Variants in ZNF362 observed in about 807,000 individuals in gnomAD.
The protein encoded by ZNF362 is zinc finger protein 362.
A neutral mutation model predicts 42.9 loss-of-function variants in ZNF362; 11 were observed. The observed-to-expected ratio is 0.26, with a 90% CI of 0.16 to 0.42. The LOEUF is 0.42. Ranked by LOEUF, ZNF362 falls within the 20% of genes least tolerant of loss-of-function variation. The pLI, the probability that ZNF362 is intolerant of heterozygous loss-of-function variation, is 1.00. For synonymous variants in ZNF362, 255 were observed against 257.3 expected (o/e 0.99, Z 0.09); for missense variants, 362 against 576.2 (o/e 0.63, Z 3.81).
chr1:33,162,445 A>G, the ZNF362 span, among the ~76,000 whole-genome samples: 2 of 152,314 alleles, frequency 1.3e-5, no homozygotes, highest in South Asian at 2.1e-4. Flanking sequence ...GTCTTAATAC[A>G]TTGTCCCACA....
the ZNF362 span, chr1:33,147,616 G>A: frequency 1.9e-6 from 3 of 1,614,124 alleles, no homozygotes; most frequent in Non-Finnish European, 1.7e-6. This position sits in a 1 kb window ranked among gnomAD's most constrained non-coding sequence, Gnocchi z 8.1. Flanking sequence ...GCGCTTTGGC[G>A]AGTCCTGCAG....
At chr1:33,226,331 A>G in the ZNF362 span, among the ~76,000 whole-genome samples, 796 of 152,320 alleles carry the variant, frequency 5.2e-3, 14 homozygotes, top group African/African-American at 0.018. Flanking sequence ...GGGGTCCACC[A>G]GCCTTGGAGC....
the ZNF362 span, among the ~76,000 whole-genome samples, chr1:33,180,218 C>T: frequency 6.6e-6 from 1 of 152,124 alleles, no homozygotes; most frequent in Non-Finnish European, 1.5e-5. Context: ...AAGAGGTCAT[C>T]AAAAACCTCT....
At position 33,297,756 on chromosome 1, in the gene ZNF362, C is replaced by T. The variant is rs183455629; in HGVS notation, c.1147-1174C>T. ...CTCGAATTCCTGACCGCAGGTGATC[C>T]GCCCGCCTCAGTCTCCCAAAGTGCT... On this transcript the variant is annotated intron_variant, in intron 8 of 8. Coordinates refer to ENST00000539719, the MANE Select transcript of ZNF362 (RefSeq NM_152493.3). Among the ~76,000 whole-genome samples, 580 of 152,228 alleles carry T rather than the reference C, an allele frequency of 3.8e-3. 6 individuals carry two copies. The highest frequency in any genetic ancestry group is 0.013 in the African/African-American group (544 of 41,534).
chr1:33,158,426 AG>A, the ZNF362 span: 5 of 1,485,428 alleles, frequency 3.4e-6, no homozygotes, highest in Non-Finnish European at 3.8e-6. Context: ...CCCCAATGCC[AG>A]GGGCCCCGCA....
At chr1:33,171,914 T>C in the ZNF362 span, among the ~76,000 whole-genome samples, 1 of 152,166 alleles carries the variant, frequency 6.6e-6, no homozygotes, top group Non-Finnish European at 1.5e-5. Context: ...CCTGAGTAGC[T>C]GGGATTATAG....
chr1:33,236,831 A>C, the ZNF362 span, among the ~76,000 whole-genome samples: 11 of 152,030 alleles, frequency 7.2e-5, no homozygotes, highest in African/African-American at 2.7e-4. Context: ...CTGTAATCCC[A>C]GCACTGAGGT....
chr1:33,201,737 G>C, the ZNF362 span, among the ~76,000 whole-genome samples: 1 of 152,138 alleles, frequency 6.6e-6, no homozygotes, highest in Admixed American at 6.5e-5. Flanking sequence ...TAAATGTAAA[G>C]TAAGCAGAAG....
chr1:33,211,106 T>A, the ZNF362 span, among the ~76,000 whole-genome samples: 1 of 152,054 alleles, frequency 6.6e-6, no homozygotes, highest in Non-Finnish European at 1.5e-5. Context: ...GCTAATTTTT[T>A]GTATTTTTAG....
chr1:33,159,466 C>G, the ZNF362 span, among the ~76,000 whole-genome samples: 1 of 152,328 alleles, frequency 6.6e-6, no homozygotes, highest in South Asian at 2.1e-4. This position sits in a 1 kb window ranked among gnomAD's most constrained non-coding sequence, Gnocchi z 4.2. Context: ...GGTTTTCAAA[C>G]TGTGTTCCTC....
At chr1:33,225,822 T>C in the ZNF362 span, among the ~76,000 whole-genome samples, 3 of 152,206 alleles carry the variant, frequency 2.0e-5, no homozygotes, top group African/African-American at 7.2e-5. Context: ...AGCAAGCTGA[T>C]TACTATGCAG....
the ZNF362 span, among the ~76,000 whole-genome samples, chr1:33,208,128 A>T: frequency 6.6e-6 from 1 of 152,172 alleles, no homozygotes; most frequent in Admixed American, 6.5e-5. Flanking sequence ...TAAGGAAGGG[A>T]TCCAGTTTCA....
At chr1:33,181,253 G>T in the ZNF362 span, 14 of 1,549,470 alleles carry the variant, frequency 9.0e-6, no homozygotes, top group Non-Finnish European at 1.1e-5. The surrounding 1 kb of genome is among the most constrained non-coding windows in gnomAD (Gnocchi z 6.5). Context: ...GCGCCAGCGC[G>T]GGCTCGGCGA....
intron 2 of ZNF362, among the ~76,000 whole-genome samples, chr1:33,272,234 C>T (rs914216528): frequency 1.3e-4 from 20 of 152,158 alleles, no homozygotes; most frequent in African/African-American, 4.8e-4. Flanking sequence ...AGGGAGGCCA[C>T]GGTGGTGTGT....
Position 33,276,330 on chromosome 1 carries a change from G to T in ZNF362, c.103-18G>T. 2 of 1,546,090 alleles carry T rather than the reference G, an allele frequency of 1.3e-6. No homozygotes were observed. The highest frequency in any genetic ancestry group is 1.4e-5 in the African/African-American group (1 of 73,170). ...GAGGTGGTCCAGACCTCCTCAGCCC[G>T]TCCTCTTCTTCCCGCAGCTGGACAA... is the stretch of plus-strand genomic sequence containing the variant. On this transcript the variant is annotated intron_variant, in intron 3 of 8. Coordinates refer to ENST00000539719, the MANE Select transcript of ZNF362 (RefSeq NM_152493.3).
At chr1:33,147,729 T>A in the ZNF362 span, 5 of 1,607,136 alleles carry the variant, frequency 3.1e-6, no homozygotes, top group Non-Finnish European at 4.3e-6. The surrounding 1 kb of genome is among the most constrained non-coding windows in gnomAD (Gnocchi z 8.1). Flanking sequence ...CGGCTGGCAC[T>A]GTGGGGGTTG....
the ZNF362 span, among the ~76,000 whole-genome samples, chr1:33,221,926 G>C: frequency 1.3e-5 from 2 of 152,120 alleles, no homozygotes; most frequent in Non-Finnish European, 2.9e-5. Flanking sequence ...ATGGGTGGAG[G>C]ATTAAATCAT....
chr1:33,294,312 A>G lies in ZNF362; in HGVS notation c.909-625A>G, dbSNP rs901595618. On this transcript the variant is annotated intron_variant, in intron 6 of 8. Transcript: ENST00000539719. The surrounding 1 kb of genome is among the most constrained non-coding windows in gnomAD (Gnocchi z 4.2). ...GATGCTCAGTGGTTTGTCCAAGGTC[A>G]CCCAGCTGGTTAATAGCCAGGATGA... Among the ~76,000 whole-genome samples the G allele has an allele frequency of 2.6e-5, 4 of 152,162 alleles. No homozygotes were observed. The highest frequency in any genetic ancestry group is 9.7e-5 in the African/African-American group (4 of 41,434).
In ZNF362 at chr1:33,299,245, G is replaced by GT; in HGVS notation, c.*203dup. On this transcript the variant is annotated 3_prime_UTR_variant, in exon 9 of 9. Coordinates refer to ENST00000539719, the MANE Select transcript of ZNF362 (RefSeq NM_152493.3). ...CAGGCCAACTGCAAGATTCTGGACTGTTTTGGTGGCATCCAAAGACGATCT... is the reference window on the plus strand; with the variant it reads ...CAGGCCAACTGCAAGATTCTGGACTGTTTTTGGTGGCATCCAAAGACGATCT... 1 of 496,820 alleles carries GT rather than the reference G, an allele frequency of 2.0e-6. No homozygotes were observed. The highest frequency in any genetic ancestry group is 3.7e-6 in the Non-Finnish European group (1 of 273,166). The allele number at this position is 496,820 out of a possible 1,614,324, so 30.8% of individuals were successfully genotyped here.
Sources: allele counts gnomAD v4.1 joint callset (sites outside exome capture counted in the v4.1 genomes callset), GRCh38; gene constraint gnomAD v4.1.1; non-coding constraint Gnocchi (gnomAD v3.1); transcripts MANE v1.5; gene names NCBI Gene and HGNC (gene_info 2026-07-23, HGNC 2026-07-21).